The following NECAB3 variants were observed in gnomAD, a reference collection of about 807,000 sequenced individuals.
NECAB3 encodes N-terminal EF-hand calcium binding protein 3, also known as N-terminal EF-hand calcium-binding protein 3.
In NECAB3, 38 loss-of-function variants were observed where a neutral mutation model predicts 57.2. The ratio of observed to expected loss-of-function variants is 0.66; its 90% confidence interval spans 0.51 to 0.87. NECAB3 has a LOEUF of 0.87. Among genes scored for constraint, NECAB3 ranks in the 40% least tolerant of loss-of-function variants. NECAB3 has a pLI of 0.00. For missense variants in NECAB3, 474 were observed against 527.5 expected (o/e 0.90, Z 0.99); for synonymous variants, 223 against 222.6 (o/e 1.00, Z -0.02).
At chr20:33,668,265 C>T (rs915004004) in intron 5 of NECAB3, 20 of 1,547,540 alleles carry the variant, frequency 1.3e-5, no homozygotes, top group Non-Finnish European at 1.7e-5. Flanking sequence ...GGTGGCACTG[C>T]GTTGGGGGAC....
Position 33,660,082 on chromosome 20 carries a change from T to TG in NECAB3, c.525-80dup. The TG allele has an allele frequency of 6.6e-7, 1 of 1,523,858 alleles. No homozygotes were observed. Among genetic ancestry groups the TG allele is most frequent in the Non-Finnish European group, 8.8e-7 (1 of 1,136,608 alleles). 94.4% of individuals were successfully genotyped at this position (1,523,858 alleles called of 1,614,324 possible). Reference sequence around the variant, plus strand: ...GCCTGGGTGGGGAAGACAAGCCTCCTGGGACTCCGAGGCCTAGCCCCAAAG... The same window carrying TG: ...GCCTGGGTGGGGAAGACAAGCCTCCTGGGGACTCCGAGGCCTAGCCCCAAAG... On this transcript the variant is annotated intron_variant, in intron 6 of 11. Transcript: ENST00000246190. The surrounding 1 kb of genome is among the most constrained non-coding windows in gnomAD (Gnocchi z 4.1).
At chr20:33,674,164 G>A (rs1163802117) in intron 1 of NECAB3, 60 bp downstream of exon 1, 16 of 1,233,578 alleles carry the variant, frequency 1.3e-5, no homozygotes, top group Non-Finnish European at 1.6e-5. Context: ...AACCCCGGAG[G>A]GTGAGACTAA....
At chr20:33,672,967 G>T (rs1316666203) in intron 1 of NECAB3, among the ~76,000 whole-genome samples, 3 of 152,166 alleles carry the variant, frequency 2.0e-5, no homozygotes, top group Non-Finnish European at 4.4e-5. Context: ...CTAGCAAATA[G>T]ATCAGGAGCA....
intron 2 of NECAB3, chr20:33,672,170 C>T (rs2017841391): frequency 3.4e-6 from 2 of 590,068 alleles, no homozygotes; most frequent in East Asian, 5.7e-5. Context: ...TGAAAGTCAG[C>T]CCCTATCTCC....
At chr20:33,658,152 C>T in intron 10 of NECAB3, 119 bp from the exon 11 acceptor site, 2 of 866,062 alleles carry the variant, frequency 2.3e-6, no homozygotes, top group Non-Finnish European at 3.5e-6. Flanking sequence ...TCCCCTGTGA[C>T]ACGGGGAAGC....
chr20:33,668,053 C>A, intron 5 of NECAB3: 1 of 1,560,886 alleles, frequency 6.4e-7, no homozygotes, highest in Non-Finnish European at 8.7e-7. Context: ...GCTGGAGGCG[C>A]AGTGCCGGCG....
At chr20:33,672,159 G>A (rs1483440325) in intron 2 of NECAB3, 7 of 580,412 alleles carry the variant, frequency 1.2e-5, no homozygotes, top group African/African-American at 1.9e-5. Context: ...AGGGTGCTGT[G>A]TGAAAGTCAG....
At chr20:33,658,455 G>T in intron 10 of NECAB3, 22 bp downstream of exon 10, 1 of 1,611,724 alleles carries the variant, frequency 6.2e-7, no homozygotes, top group Non-Finnish European at 8.5e-7. Context: ...CATGGTGTTA[G>T]CGGCCAGACT....
intron 5 of NECAB3, chr20:33,664,246 T>G: frequency 4.8e-6 from 1 of 208,546 alleles, no homozygotes. Flanking sequence ...AAGCCTGACA[T>G]CCCCCCAGCA....
In NECAB3 at chr20:33,669,853, C is replaced by G. The variant is rs2017790460; in HGVS notation, c.264-141G>C. 3 of 877,972 alleles carry G rather than the reference C, an allele frequency of 3.4e-6. No homozygotes were observed. In the African/African-American group the frequency reaches 5.1e-5, roughly 15 times the overall value. 54.4% of individuals were successfully genotyped at this position (877,972 alleles called of 1,614,324 possible). ...CTGCTCCACCCCAGATTAAGTTGCT[C>G]CTGTGGACAGAGTCCTTGCAGGGTT... is the stretch of plus-strand genomic sequence containing the variant. On this transcript the variant is annotated intron_variant, in intron 3 of 11. Transcript: ENST00000246190.
chr20:33,662,732 G>C, intron 5 of NECAB3: 1 of 433,032 alleles, frequency 2.3e-6, no homozygotes, highest in Non-Finnish European at 4.2e-6. Context: ...TTCAGCCCAG[G>C]AGTTTGAGAT....
intron 5 of NECAB3, among the ~76,000 whole-genome samples, chr20:33,663,009 C>A (rs1279785068): frequency 6.6e-6 from 1 of 152,168 alleles, no homozygotes; most frequent in Admixed American, 6.5e-5. Context: ...ACTTGAGAGC[C>A]CCGGGGGGTG....
intron 11 of NECAB3, 42 bp from the exon 12 acceptor site, chr20:33,657,899 A>C (rs1321839228): frequency 1.3e-6 from 2 of 1,548,118 alleles, no homozygotes; most frequent in Non-Finnish European, 1.7e-6. Flanking sequence ...TCAGGAGCCC[A>C]CTGCCCCTCC....
Position 33,660,047 on chromosome 20 carries a change from G to A in NECAB3, c.525-44C>T. On this transcript the variant is annotated intron_variant, in intron 6 of 11. Coordinates refer to ENST00000246190, the MANE Select transcript of NECAB3 (RefSeq NM_031232.4). This position sits in a 1 kb window ranked among gnomAD's most constrained non-coding sequence, Gnocchi z 4.1. ...ACAGGGCCGAGGACTGGGGCCCCAG[G>A]ACGGGATAAGCCTGGGTGGGGAAGA... 1.9e-6 allele frequency: 3 copies of A among 1,556,080 alleles called. No homozygotes were observed. Among genetic ancestry groups the A allele is most frequent in the South Asian group, 1.2e-5 (1 of 86,512 alleles).
At chr20:33,673,943 G>A (rs981849043) in intron 1 of NECAB3, among the ~76,000 whole-genome samples, 9 of 152,068 alleles carry the variant, frequency 5.9e-5, no homozygotes, top group Admixed American at 1.3e-4. Context: ...TGGGGTGACC[G>A]CTGCTGTGAT....
chr20:33,658,691 T>C, intron 9 of NECAB3, 31 bp downstream of exon 9: 2 of 1,606,282 alleles, frequency 1.2e-6, no homozygotes, highest in Non-Finnish European at 8.5e-7. Context: ...CCCTCCCCAC[T>C]GGCCATCCCA....
Position 33,660,524 on chromosome 20 carries a change from G to T in NECAB3, c.388-129C>A. Reference sequence around the variant, plus strand: ...AGCAGGGGCACGCAAACCTGGCACAGGCAGGAGGGTACTGAGACCTGATGG... The same window carrying T: ...AGCAGGGGCACGCAAACCTGGCACATGCAGGAGGGTACTGAGACCTGATGG... On this transcript the variant is annotated intron_variant, in intron 5 of 11. Coordinates refer to ENST00000246190, the MANE Select transcript of NECAB3 (RefSeq NM_031232.4). The surrounding 1 kb of genome is among the most constrained non-coding windows in gnomAD (Gnocchi z 4.1). The T allele has an allele frequency of 8.0e-7, 1 of 1,255,848 alleles. No homozygotes were observed. The highest frequency in any genetic ancestry group is 1.1e-6 in the Non-Finnish European group (1 of 909,870). 77.8% of individuals were successfully genotyped at this position (1,255,848 alleles called of 1,614,324 possible).
chr20:33,667,319 G>C (rs1163867728), intron 5 of NECAB3: 3 of 793,982 alleles, frequency 3.8e-6, no homozygotes, highest in African/African-American at 3.7e-5. Flanking sequence ...ATCAAGCACG[G>C]CGTGGTGGCG....
intron 5 of NECAB3, chr20:33,667,744 C>T: frequency 6.2e-7 from 1 of 1,612,486 alleles, no homozygotes; most frequent in Non-Finnish European, 8.5e-7. Flanking sequence ...TCTCAAGAAG[C>T]GCAGCTGCTA....
Sources: allele counts gnomAD v4.1 joint callset (sites outside exome capture counted in the v4.1 genomes callset), GRCh38; gene constraint gnomAD v4.1.1; non-coding constraint Gnocchi (gnomAD v3.1); transcripts MANE v1.5; gene names NCBI Gene and HGNC (gene_info 2026-07-23, HGNC 2026-07-21).